RBPJ: variants seen among roughly 807,000 people sequenced by gnomAD.
The protein encoded by RBPJ is recombination signal binding protein for immunoglobulin kappa J region.
In RBPJ, 9 loss-of-function variants were observed where a neutral mutation model predicts 67.8. The ratio of observed to expected loss-of-function variants is 0.13; its 90% CI spans 0.08 to 0.23. RBPJ has a LOEUF of 0.23. RBPJ is among the 10% of genes least tolerant of loss of function. RBPJ has a pLI of 1.00. For synonymous variants in RBPJ, 198 were observed against 203.3 expected (o/e 0.97, Z 0.22); for missense variants, 305 against 595.6 (o/e 0.51, Z 5.08).
rs1008055666 is a variant in RBPJ at position 26,294,137 on chromosome 4, G to A, written c.-166-68309G>A. Among the ~76,000 whole-genome samples, 13 of 146,324 alleles carry A rather than the reference G, an allele frequency of 8.9e-5. 1 individual carries two copies. In the South Asian group the frequency reaches 1.3e-3, roughly 15 times the overall value. ...TTTTGAGATGGAGTCTCACTCTGTC[G>A]CCCAGATTGGAGTGCAGTGGCACCA... On this transcript the variant is annotated intron_variant, in intron 1 of 4. Coordinates refer to the RBPJ transcript ENST00000512351.
chr4:26,397,615 C>T (rs1315323235), intron 2 of RBPJ, among the ~76,000 whole-genome samples: 1 of 152,028 alleles, frequency 6.6e-6, no homozygotes, highest in African/African-American at 2.4e-5. Flanking sequence ...TTATTAGTCT[C>T]TGTTTTGTAA....
intron 1 of RBPJ, among the ~76,000 whole-genome samples, chr4:26,216,947 A>G (rs1718741485): frequency 6.6e-6 from 1 of 152,152 alleles, no homozygotes; most frequent in Non-Finnish European, 1.5e-5. Context: ...AAGGAGGATC[A>G]TGACCAGGTG....
At chr4:26,325,282 T>C (rs1210248431) in intron 1 of RBPJ, among the ~76,000 whole-genome samples, 1 of 152,214 alleles carries the variant, frequency 6.6e-6, no homozygotes, top group Non-Finnish European at 1.5e-5. Flanking sequence ...GACAGCCTCT[T>C]TCTGCTTCTA....
the RBPJ span, among the ~76,000 whole-genome samples, chr4:26,146,984 G>T: frequency 6.6e-6 from 1 of 152,220 alleles, no homozygotes; most frequent in Non-Finnish European, 1.5e-5. Context: ...AGGAACAACG[G>T]CTCCGTCAAA....
chr4:26,221,183 T>C (rs186633825), intron 1 of RBPJ, among the ~76,000 whole-genome samples: 4,539 of 152,210 alleles, frequency 0.03, 221 homozygotes, highest in African/African-American at 0.1. Context: ...CTCCGCCTCC[T>C]GGGTTCACGC....
At chr4:26,384,720 A>G (rs1006660925) in intron 1 of RBPJ, 1 of 152,036 alleles carries the variant, frequency 6.6e-6, no homozygotes, top group African/African-American at 2.4e-5. Context: ...AAAAACGATA[A>G]TAATTACTAG....
chr4:26,363,295 A>G (rs538892965), intron 1 of RBPJ, among the ~76,000 whole-genome samples: 2 of 152,076 alleles, frequency 1.3e-5, no homozygotes, highest in South Asian at 2.1e-4. Context: ...ACTCACCACT[A>G]TACCTGGCTA....
the RBPJ span, among the ~76,000 whole-genome samples, chr4:26,119,602 T>C: frequency 1.3e-5 from 2 of 152,212 alleles, no homozygotes; most frequent in Non-Finnish European, 2.9e-5. Context: ...TCTATCCACA[T>C]TCTACCCATC....
intron 1 of RBPJ, among the ~76,000 whole-genome samples, chr4:26,191,833 A>G (rs1293326755): frequency 6.6e-6 from 1 of 152,120 alleles, no homozygotes; most frequent in Non-Finnish European, 1.5e-5. Context: ...GGCACAGTGA[A>G]CCACGCTTAT....
At chr4:26,224,985 T>C (rs1719033974) in intron 1 of RBPJ, among the ~76,000 whole-genome samples, 1 of 152,118 alleles carries the variant, frequency 6.6e-6, no homozygotes, top group Non-Finnish European at 1.5e-5. Context: ...GTGGTATACA[T>C]GAAACAGTGA....
rs143761549 is a variant in RBPJ, at chr4:26,224,647, C to T, written c.-167+61033C>T. 1.3e-3 allele frequency among the ~76,000 whole-genome samples: 199 copies of T among 151,538 alleles called. 1 individual carries two copies. The highest frequency in any genetic ancestry group is 4.6e-3 in the African/African-American group (190 of 41,464). On this transcript the variant is annotated intron_variant, in intron 1 of 4. Coordinates refer to the RBPJ transcript ENST00000512351. ...TGCTCGGATTATGGGCATGAGCCAC[C>T]GCACCCTGCCCAGAACAGAACATTC...
intron 1 of RBPJ, among the ~76,000 whole-genome samples, chr4:26,295,265 T>TGG (rs1553858412): frequency 1.3e-5 from 2 of 151,886 alleles, no homozygotes; most frequent in African/African-American, 2.4e-5. Flanking sequence ...TGTGTGTGTG[T>TGG]GTGTGGGTGT....
intron 2 of RBPJ, among the ~76,000 whole-genome samples, chr4:26,389,194 A>G (rs1222375716): frequency 6.6e-6 from 1 of 151,558 alleles, no homozygotes; most frequent in Admixed American, 6.6e-5. Flanking sequence ...ACACCACTGC[A>G]CTCCAGCCTG....
At chr4:26,366,473 G>A (rs752549346) in intron 1 of RBPJ, among the ~76,000 whole-genome samples, 17 of 152,016 alleles carry the variant, frequency 1.1e-4, no homozygotes, top group Non-Finnish European at 2.1e-4. Context: ...ACCCAGGCTG[G>A]AGGACAGTGA....
intron 1 of RBPJ, among the ~76,000 whole-genome samples, chr4:26,344,637 C>G (rs768100185): frequency 6.6e-6 from 1 of 152,022 alleles, no homozygotes; most frequent in Non-Finnish European, 1.5e-5. Context: ...CAAAATATAC[C>G]TAGAAGATAA....
At chr4:26,208,372 C>G (rs1009130520) in intron 1 of RBPJ, among the ~76,000 whole-genome samples, 1 of 152,174 alleles carries the variant, frequency 6.6e-6, no homozygotes, top group Non-Finnish European at 1.5e-5. Flanking sequence ...AGCTACAGAT[C>G]TGGGCCCAAG....
the RBPJ span, among the ~76,000 whole-genome samples, chr4:26,143,169 C>G: frequency 6.6e-6 from 1 of 152,168 alleles, no homozygotes; most frequent in Non-Finnish European, 1.5e-5. Flanking sequence ...GCATGTTAAT[C>G]CAAATTCAAT....
intron 1 of RBPJ, among the ~76,000 whole-genome samples, chr4:26,365,543 G>T (rs1367592492): frequency 2.0e-5 from 3 of 152,154 alleles, no homozygotes; most frequent in Admixed American, 6.5e-5. Flanking sequence ...ATATAGAAAA[G>T]AATGTATTTC....
At chr4:26,344,514 C>T (rs1051122421) in intron 1 of RBPJ, among the ~76,000 whole-genome samples, 4 of 152,178 alleles carry the variant, frequency 2.6e-5, no homozygotes, top group African/African-American at 9.7e-5. Context: ...GGATTACAGG[C>T]GTGAGCCACC....
Sources: gnomAD v4.1 joint callset for allele counts (sites outside exome capture counted in the v4.1 genomes callset) on GRCh38, gnomAD v4.1.1 for gene constraint, MANE v1.5 for transcripts, NCBI Gene and HGNC (gene_info 2026-07-23, HGNC 2026-07-21) for gene names.